SUDS3: variants seen among roughly 807,000 people sequenced by gnomAD.
SUDS3 encodes sin3 histone deacetylase corepressor complex component SDS3.
Under a neutral mutation model 53.5 loss-of-function variants are expected in SUDS3, and 23 were observed. That is an observed-to-expected ratio of 0.43 (90% CI 0.31 to 0.61). The LOEUF is 0.61. Among genes scored for constraint, SUDS3 ranks in the 20% least tolerant of loss-of-function variants. The pLI is 0.10. For synonymous variants in SUDS3, 150 were observed against 148.5 expected (o/e 1.01, Z -0.08); for missense variants, 291 against 405.9 (o/e 0.72, Z 2.43).
In SUDS3 at chr12:118,414,413, C is replaced by T. The variant is rs765577252; in HGVS notation, c.967C>T (p.Arg323Cys). Residue 323 changes from arginine to cysteine, a missense_variant, in exon 12 of 12, where the codon CGC becomes TGC. Physicochemically the swap from Arg to Cys is radical, Grantham distance 180. Around this residue, in one of 4 missense-constraint regions of SUDS3, gnomAD observed 10 missense variants for 48.1 expected, o/e 0.21. Transcript: ENST00000543473. The part of the protein sequence containing the change: ...GQLQRGLFVI[R>C]RRSAA ...GCTTCAGCGCGGGCTCTTCGTGATC[C>T]GCCGGCGCTCAGCTGCTTGACTTTC... 3.1e-6 allele frequency: 5 copies of T among 1,594,952 alleles called. No homozygotes were observed. The highest frequency in any genetic ancestry group is 4.5e-5 in the East Asian group (2 of 43,996).
At position 118,376,597 on chromosome 12, in the gene SUDS3, G is replaced by A. The variant is rs2045997289; in HGVS notation, c.-95G>A. ...CGCCGTGGCTGCCGGTCCTCGAGTT[G>A]GGGGCTGCCGCGGACACTGCTAGGC... On this transcript the variant is annotated 5_prime_UTR_variant, in exon 1 of 12. Transcript: ENST00000543473. 1.6e-6 allele frequency: 2 copies of A among 1,250,972 alleles called. No individual in the cohort carries two copies. Among genetic ancestry groups the A allele is most frequent in the Admixed American group, 4.2e-5 (1 of 23,658 alleles). The allele number at this position is 1,250,972 out of a possible 1,614,324, so 77.5% of individuals were successfully genotyped here. A position where few individuals can be genotyped will look rare whatever the true frequency, so the allele number is the denominator to read the frequency against.
rs144496123 is a variant in SUDS3 at position 118,406,421 on chromosome 12, A to C, written c.803+2904A>C. ...TGTTAATACCAGGATTCTCAGTAGG[A>C]TACAAAATTAAATTAATTTTCCTAC... On this transcript the variant is annotated intron_variant, in intron 10 of 11. Coordinates refer to ENST00000543473, the MANE Select transcript of SUDS3 (RefSeq NM_022491.3). 9.1e-3 allele frequency among the ~76,000 whole-genome samples: 1,389 copies of C among 152,372 alleles called. 8 individuals are homozygous for C. The highest frequency in any genetic ancestry group is 0.017 in the Middle Eastern group (5 of 294).
At chr12:118,390,987 C>T in intron 5 of SUDS3, 139 bp from the exon 6 acceptor site, 3 of 993,288 alleles carry the variant, frequency 3.0e-6, no homozygotes, top group Non-Finnish European at 3.2e-6. Context: ...AAAGCTTGTT[C>T]TCAGACACAC....
intron 9 of SUDS3, 37 bp downstream of exon 9, chr12:118,402,041 T>C: frequency 6.2e-7 from 1 of 1,613,260 alleles, no homozygotes; most frequent in Non-Finnish European, 8.5e-7. Flanking sequence ...TGCAACCTTT[T>C]TATCATGTTG....
At chr12:118,395,216 GTTTTTTTTTTTT>G (rs71772462) in intron 6 of SUDS3, among the ~76,000 whole-genome samples, 1,066 of 80,170 alleles carry the variant, frequency 0.013, 32 homozygotes, top group African/African-American at 0.05. Context: ...TGGAATCAGG[GTTTTTTTTTTTT>G]TTTTTTTTTT....
intron 10 of SUDS3, among the ~76,000 whole-genome samples, chr12:118,404,750 T>G (rs919946417): frequency 3.3e-5 from 5 of 152,218 alleles, no homozygotes; most frequent in African/African-American, 1.2e-4. Flanking sequence ...TGTCTCATTA[T>G]CATTTATAAT....
chr12:118,397,200 G>T lies in SUDS3; in HGVS notation c.518-3459G>T, dbSNP rs146576065. On this transcript the variant is annotated intron_variant, in intron 6 of 11. Transcript: ENST00000543473. Reference sequence around the variant, plus strand: ...GTGCATGATGTCGGAGAGGAAGCCTGACTGAATCCCTGCTCAGGTGTCTTC... The same window carrying T: ...GTGCATGATGTCGGAGAGGAAGCCTTACTGAATCCCTGCTCAGGTGTCTTC... Among the ~76,000 whole-genome samples the T allele has an allele frequency of 5.1e-4, 78 of 152,256 alleles. No homozygotes were observed. The East Asian group carries it at 0.015, about 29-fold the overall frequency.
chr12:118,400,657 A>G lies in SUDS3; in HGVS notation c.518-2A>G, dbSNP rs1295525724. 1 of 1,613,804 alleles carries G rather than the reference A, an allele frequency of 6.2e-7. No individual in the cohort carries two copies. Among genetic ancestry groups the G allele is most frequent in the Non-Finnish European group, 8.5e-7 (1 of 1,179,826 alleles). ...GATTTACCCATTCCATTCTTGCCAC[A>G]GATTCTATGGAGGTGAAACCTATCA... is the stretch of plus-strand genomic sequence containing the variant. On this transcript the variant is annotated splice_acceptor_variant, in intron 6 of 11. Transcript: ENST00000543473. LOFTEE classifies it high-confidence loss of function.
At chr12:118,391,409 A>G in intron 6 of SUDS3, 127 bp downstream of exon 6, 1 of 1,078,584 alleles carries the variant, frequency 9.3e-7, no homozygotes, top group Non-Finnish European at 1.3e-6. Context: ...GACCTCATAG[A>G]TCAGAGTTCC....
chr12:118,387,339 C>G (rs982325766), intron 4 of SUDS3, among the ~76,000 whole-genome samples: 1 of 152,164 alleles, frequency 6.6e-6, no homozygotes, highest in Non-Finnish European at 1.5e-5. Context: ...GTCCTGCCTC[C>G]TCACTTTAGA....
intron 5 of SUDS3, 59 bp downstream of exon 5, chr12:118,390,005 C>A (rs2046151434): frequency 6.2e-7 from 1 of 1,604,796 alleles, no homozygotes; most frequent in Non-Finnish European, 8.5e-7. Context: ...ATCTTGCAGT[C>A]CTGATCTGGT....
intron 6 of SUDS3, among the ~76,000 whole-genome samples, chr12:118,397,157 C>T (rs910432383): frequency 2.6e-5 from 4 of 152,084 alleles, no homozygotes; most frequent in Non-Finnish European, 4.4e-5. Context: ...TCAGCCAGTT[C>T]GAGTTTTTTT....
chr12:118,397,592 C>T (rs569544396), intron 6 of SUDS3, among the ~76,000 whole-genome samples: 8 of 152,268 alleles, frequency 5.3e-5, no homozygotes, highest in African/African-American at 1.9e-4. Context: ...TCCCTTCTGT[C>T]TCCTCTTTCC....
intron 9 of SUDS3, chr12:118,402,233 A>G (rs1043662331): frequency 8.2e-5 from 46 of 560,922 alleles, no homozygotes; most frequent in Admixed American, 2.4e-4. Context: ...AGGATTTATC[A>G]TAAAAGAGAC....
Position 118,376,570 on chromosome 12 carries a change from G to A in SUDS3, c.-122G>A. On this transcript the variant is annotated 5_prime_UTR_variant, in exon 1 of 12. Transcript: ENST00000543473. Reference sequence around the variant, plus strand: ...GGAGCTCGGCGGAGACGGGGAAGGGGTCGCCGTGGCTGCCGGTCCTCGAGT... The same window carrying A: ...GGAGCTCGGCGGAGACGGGGAAGGGATCGCCGTGGCTGCCGGTCCTCGAGT... The A allele has an allele frequency of 8.3e-7, 1 of 1,209,758 alleles. No homozygotes were observed. 74.9% of individuals were successfully genotyped at this position (1,209,758 alleles called of 1,614,324 possible).
intron 10 of SUDS3, among the ~76,000 whole-genome samples, chr12:118,405,271 A>C (rs1380878869): frequency 6.6e-6 from 1 of 152,246 alleles, no homozygotes; most frequent in African/African-American, 2.4e-5. Context: ...TATGAGTCTT[A>C]AAGCCATGTG....
chr12:118,398,633 T>C (rs981816077), intron 6 of SUDS3, among the ~76,000 whole-genome samples: 1 of 137,096 alleles, frequency 7.3e-6, no homozygotes, highest in African/African-American at 2.7e-5. Flanking sequence ...TTTTTTTTTT[T>C]CAAATTTTCT....
At chr12:118,393,001 A>T (rs1250064132) in intron 6 of SUDS3, among the ~76,000 whole-genome samples, 1 of 152,228 alleles carries the variant, frequency 6.6e-6, no homozygotes, top group Non-Finnish European at 1.5e-5. Flanking sequence ...AACGCAATAA[A>T]ATAGATTACA....
intron 6 of SUDS3, among the ~76,000 whole-genome samples, chr12:118,395,193 G>T: frequency 6.8e-6 from 1 of 146,750 alleles, no homozygotes; most frequent in African/African-American, 2.5e-5. Flanking sequence ...GTTCTTTCCT[G>T]GTGCTGGCAT....
Sources: gnomAD v4.1 joint callset for allele counts (sites outside exome capture counted in the v4.1 genomes callset) on GRCh38, gnomAD v4.1.1 for gene constraint, gnomAD v4.1.1 regional missense constraint, MANE v1.5 for transcripts, NCBI Gene and HGNC (gene_info 2026-07-23, HGNC 2026-07-21) for gene names.